Variants in THSD7A observed in about 807,000 individuals in gnomAD.
THSD7A encodes thrombospondin type 1 domain containing 7A, also known as thrombospondin type-1 domain-containing protein 7A.
In THSD7A, 96 loss-of-function variants were observed where a neutral mutation model predicts 231.3. The observed-to-expected ratio is 0.41, with a 90% CI of 0.35 to 0.49. The LOEUF (loss-of-function observed/expected upper bound fraction) is 0.49, where lower values mean the gene tolerates loss of function less well. Ranked by LOEUF, THSD7A falls within the 20% of genes least tolerant of loss-of-function variation. The pLI is 0.05. For missense variants in THSD7A, 2,290 were observed against 2,070.2 expected, an observed-to-expected ratio of 1.11 and a Z score of -2.06; for synonymous variants, 940 against 743.3, an observed-to-expected ratio of 1.26 and a Z score of -4.30.
chr7:11,778,993 A>T (rs2128173940), intron 1 of THSD7A, among the ~76,000 whole-genome samples: 1 of 152,238 alleles, frequency 6.6e-6, no homozygotes, highest in South Asian at 2.1e-4. Context: ...AAAAATATAA[A>T]CATAATTGGT....
At chr7:11,393,409 C>T (rs56008454) in intron 23 of THSD7A, among the ~76,000 whole-genome samples, 3 of 152,168 alleles carry the variant, frequency 2.0e-5, no homozygotes, top group Non-Finnish European at 2.9e-5. Context: ...CGAGGAAAAA[C>T]CAGCACAAAA....
At chr7:11,478,962 T>C (rs909919540) in intron 7 of THSD7A, among the ~76,000 whole-genome samples, 2 of 152,176 alleles carry the variant, frequency 1.3e-5, no homozygotes, top group African/African-American at 4.8e-5. Flanking sequence ...ATGACATAAA[T>C]CACTCTTAGA....
intron 1 of THSD7A, among the ~76,000 whole-genome samples, chr7:11,688,860 T>G (rs1380255326): frequency 1.3e-5 from 2 of 151,780 alleles, no homozygotes; most frequent in East Asian, 3.9e-4. Context: ...GAGTAACCAT[T>G]TGGGATTTGT....
chr7:11,726,190 A>G (rs1168198165), intron 1 of THSD7A, among the ~76,000 whole-genome samples: 1 of 152,036 alleles, frequency 6.6e-6, no homozygotes, highest in African/African-American at 2.4e-5. Flanking sequence ...GCAGCACTGA[A>G]TGATACAGTC....
At chr7:11,747,374 T>C (rs2128163453) in intron 1 of THSD7A, among the ~76,000 whole-genome samples, 1 of 152,054 alleles carries the variant, frequency 6.6e-6, no homozygotes, top group Non-Finnish European at 1.5e-5. Flanking sequence ...CGAATTAAAA[T>C]TCCTCTCCGT....
intron 23 of THSD7A, among the ~76,000 whole-genome samples, chr7:11,399,924 A>G (rs1416057346): frequency 2.6e-5 from 4 of 152,122 alleles, no homozygotes; most frequent in Non-Finnish European, 4.4e-5. Context: ...ATGTCCATCA[A>G]TGATAGACTG....
chr7:11,717,569 G>A (rs1382700290), intron 1 of THSD7A, among the ~76,000 whole-genome samples: 2 of 151,536 alleles, frequency 1.3e-5, no homozygotes, highest in African/African-American at 4.8e-5. Context: ...TCAGCAAGAT[G>A]GAGGATTCTG....
At chr7:11,458,483 T>C (rs1292201942) in intron 11 of THSD7A, among the ~76,000 whole-genome samples, 2 of 152,150 alleles carry the variant, frequency 1.3e-5, no homozygotes, top group Non-Finnish European at 1.5e-5. Context: ...TATTTATGAA[T>C]ATATCACTTG....
At chr7:11,506,760 C>T (rs1327111593) in intron 6 of THSD7A, among the ~76,000 whole-genome samples, 1 of 152,156 alleles carries the variant, frequency 6.6e-6, no homozygotes, top group Non-Finnish European at 1.5e-5. Context: ...CTGATATTTG[C>T]TTATTCTGGG....
intron 23 of THSD7A, among the ~76,000 whole-genome samples, chr7:11,396,299 G>A (rs1374417184): frequency 6.6e-6 from 1 of 152,114 alleles, no homozygotes; most frequent in Non-Finnish European, 1.5e-5. Context: ...GAGCAGAGCT[G>A]AAGGTGATAG....
chr7:11,813,000 A>G (rs958706368), intron 1 of THSD7A, among the ~76,000 whole-genome samples: 34 of 152,222 alleles, frequency 2.2e-4, no homozygotes, highest in African/African-American at 7.5e-4. Context: ...ATAGAGTACC[A>G]TAAGAATACA....
At chr7:11,709,913 T>C (rs1386959915) in intron 1 of THSD7A, among the ~76,000 whole-genome samples, 1 of 150,844 alleles carries the variant, frequency 6.6e-6, no homozygotes, top group Non-Finnish European at 1.5e-5. Flanking sequence ...CATGCATTCC[T>C]GCTTGCACAC....
At chr7:11,751,096 A>C (rs74376480) in intron 1 of THSD7A, 7,610 of 152,052 alleles carry the variant, frequency 0.05, 210 homozygotes, top group East Asian at 0.14. Context: ...CTGGCAAAGA[A>C]CAAGAAATAC....
chr7:11,411,195 G>A lies in THSD7A; in HGVS notation c.3798+12C>T, dbSNP rs1435365473. The A allele has an allele frequency of 6.3e-7, 1 of 1,591,510 alleles. No homozygotes were observed. On this transcript the variant is annotated intron_variant, in intron 19 of 27. Transcript: ENST00000423059. The surrounding 1 kb of genome is among the most constrained non-coding windows in gnomAD (Gnocchi z 4.1). Reference sequence around the variant, plus strand: ...AATTTACTCGCGAAGATATAACACAGCATCCACCTACCGCTTCACAATATT... The same window carrying A: ...AATTTACTCGCGAAGATATAACACAACATCCACCTACCGCTTCACAATATT...
chr7:11,593,189 G>C, intron 3 of THSD7A, 65 bp downstream of exon 3: 1 of 1,578,438 alleles, frequency 6.3e-7, no homozygotes. Context: ...GTACTGTTCA[G>C]TCAAAATCAA....
At chr7:11,708,311 A>C (rs1016454522) in intron 1 of THSD7A, among the ~76,000 whole-genome samples, 1 of 150,824 alleles carries the variant, frequency 6.6e-6, no homozygotes, top group African/African-American at 2.4e-5. Context: ...TTTTTAAAAA[A>C]TATAAAATGG....
intron 2 of THSD7A, among the ~76,000 whole-genome samples, chr7:11,612,098 C>G (rs1353465697): frequency 6.6e-6 from 1 of 152,158 alleles, no homozygotes; most frequent in East Asian, 1.9e-4. Flanking sequence ...AGTCCAGATT[C>G]TGGCTTCTGG....
chr7:11,792,163 C>CT (rs1230714990), intron 1 of THSD7A, among the ~76,000 whole-genome samples: 1 of 151,944 alleles, frequency 6.6e-6, no homozygotes, highest in African/African-American at 2.4e-5. Flanking sequence ...AAATATCACT[C>CT]TTTCATCTCT....
At chr7:11,563,099 T>C (rs967643013) in intron 4 of THSD7A, among the ~76,000 whole-genome samples, 1 of 152,220 alleles carries the variant, frequency 6.6e-6, no homozygotes, top group African/African-American at 2.4e-5. Context: ...CAAAGCTTTT[T>C]GGAGATGTTC....
Sources: gnomAD v4.1 joint callset for allele counts (sites outside exome capture counted in the v4.1 genomes callset) on GRCh38, gnomAD v4.1.1 for gene constraint, Gnocchi (gnomAD v3.1) non-coding constraint, MANE v1.5 for transcripts, NCBI Gene and HGNC (gene_info 2026-07-23, HGNC 2026-07-21) for gene names.